Variants in PPIL2 observed in about 807,000 individuals in gnomAD.
The protein encoded by PPIL2 is RING-type E3 ubiquitin-protein ligase PPIL2.
A neutral mutation model predicts 75.2 loss-of-function variants in PPIL2; 50 were observed. The observed-to-expected ratio is 0.66, with a 90% confidence interval of 0.53 to 0.84. The LOEUF is 0.84. Among genes scored for constraint, PPIL2 ranks in the 40% least tolerant of loss-of-function variants. The pLI is 0.00. For missense variants in PPIL2, 590 were observed against 685.0 expected (o/e 0.86, Z 1.55); for synonymous variants, 245 against 258.8 (o/e 0.95, Z 0.51).
At chr22:21,666,709 T>G (rs1470353303) in intron 1 of PPIL2, among the ~76,000 whole-genome samples, 1 of 152,042 alleles carries the variant, frequency 6.6e-6, no homozygotes, top group Non-Finnish European at 1.5e-5. Context: ...TTTGGGAGGC[T>G]GAGGCAGGGG....
In PPIL2 at chr22:21,696,652, G is replaced by GCC. The variant is rs2067944742; in HGVS notation, c.*1163_*1164dup. The GCC allele has an allele frequency of 1.3e-6, 2 of 1,522,222 alleles. No homozygotes were observed. Among genetic ancestry groups the GCC allele is most frequent in the Admixed American group, 2.0e-5 (1 of 50,346 alleles). The allele number at this position is 1,522,222 out of a possible 1,614,324, so 94.3% of individuals were successfully genotyped here. On this transcript the variant is annotated 3_prime_UTR_variant, in exon 20 of 20. Transcript: ENST00000398831. The stretch of plus-strand genomic sequence containing the variant: ...CTCTTGGGCTCCCTGTTGCCCTCAG[G>GCC]CCACCCCCCACTTCTAGTTCTTCAC...
At chr22:21,668,164 C>T (rs1311757185) in intron 1 of PPIL2, among the ~76,000 whole-genome samples, 3 of 106,358 alleles carry the variant, frequency 2.8e-5, no homozygotes, top group African/African-American at 7.7e-5. Context: ...AAATAAAACC[C>T]TAAGTCCCCC....
In PPIL2 at chr22:21,695,010, G is replaced by A. The variant is rs372132268; in HGVS notation, c.1406G>A (p.Gly469Glu). ...GTGAAGAGCAGCCAGCCCCAGGCAG[G>A]GAGCCAGGGCCCCCAGACCTTCCGC... ...TKVKSSQPQA[G>E]SQGPQTFRQG... Residue 469 changes from glycine (G) to glutamate (E), a missense_variant, in exon 19 of 20, where the codon GGG becomes GAG. Transcript: ENST00000398831. 3.1e-6 allele frequency: 5 copies of A among 1,613,372 alleles called. No individual in the cohort carries two copies. In the African/African-American group the frequency reaches 6.7e-5, roughly 22 times the overall value.
intron 19 of PPIL2, 126 bp downstream of exon 19, chr22:21,695,196 T>G: frequency 1.4e-6 from 2 of 1,400,636 alleles, no homozygotes; most frequent in Non-Finnish European, 1.9e-6. Context: ...GCTTGTGCTG[T>G]GTGGCCTCTG....
At chr22:21,676,302 ATTTATT>A (rs1299676114) in intron 6 of PPIL2, among the ~76,000 whole-genome samples, 1 of 46,048 alleles carries the variant, frequency 2.2e-5, no homozygotes, top group South Asian at 6.2e-4. Context: ...ATATTTATTT[ATTTATT>A]TTGTGTGTGT....
In PPIL2 at chr22:21,696,097, A is replaced by T. The variant is rs2067917636; in HGVS notation, c.*607A>T. 1.0e-6 allele frequency: 1 copy of T among 962,930 alleles called. No homozygotes were observed. The highest frequency in any genetic ancestry group is 1.2e-6 in the Non-Finnish European group (1 of 806,344). 59.6% of individuals were successfully genotyped at this position (962,930 alleles called of 1,614,324 possible). ...GCCATTACCTGGGACAAGTTTTCAG[A>T]CCCCAGACTTACTGAGCCTAAGCCT... On this transcript the variant is annotated 3_prime_UTR_variant, in exon 20 of 20. Coordinates refer to ENST00000398831, the MANE Select transcript of PPIL2 (RefSeq NM_014337.4).
Position 21,695,741 on chromosome 22 carries a change from G to T in PPIL2, c.*251G>T. 1 of 1,320,192 alleles carries T rather than the reference G, an allele frequency of 7.6e-7. No individual in the cohort carries two copies. Among genetic ancestry groups the T allele is most frequent in the Non-Finnish European group, 9.7e-7 (1 of 1,027,108 alleles). The allele number at this position is 1,320,192 out of a possible 1,614,324, so 81.8% of individuals were successfully genotyped here. Reference sequence around the variant, plus strand: ...CACTGCTGGGACCTTCAAGCACAAGGCCTGCCCTACACCCAGGCTGGTGCC... The same window carrying T: ...CACTGCTGGGACCTTCAAGCACAAGTCCTGCCCTACACCCAGGCTGGTGCC... On this transcript the variant is annotated 3_prime_UTR_variant, in exon 20 of 20. Coordinates refer to ENST00000398831, the MANE Select transcript of PPIL2 (RefSeq NM_014337.4).
chr22:21,675,257 G>A (rs2066791854), intron 6 of PPIL2, 142 bp downstream of exon 6: 4 of 789,202 alleles, frequency 5.1e-6, no homozygotes, highest in Non-Finnish European at 8.3e-6. Context: ...GTGTCACAGG[G>A]CTGGGCACGG....
At position 21,696,498 on chromosome 22, in the gene PPIL2, T is replaced by TAAAG; in HGVS notation, c.*1014_*1017dup. On this transcript the variant is annotated 3_prime_UTR_variant, in exon 20 of 20. Coordinates refer to ENST00000398831, the MANE Select transcript of PPIL2 (RefSeq NM_014337.4). Reference sequence around the variant, plus strand: ...TTGGGCCAGCTGCATCAGCAGCCCTTAAAGAAAGACCCCTCCCTCAACCCC... The same window carrying TAAAG: ...TTGGGCCAGCTGCATCAGCAGCCCTTAAAGAAAGAAAGACCCCTCCCTCAACCCC... 7.9e-7 allele frequency: 1 copy of TAAAG among 1,260,158 alleles called. No individual in the cohort carries two copies. Among genetic ancestry groups the TAAAG allele is most frequent in the Non-Finnish European group, 1.0e-6 (1 of 990,652 alleles). 78.1% of individuals were successfully genotyped at this position (1,260,158 alleles called of 1,614,324 possible). A position where few individuals can be genotyped will look rare whatever the true frequency, so the allele number is the denominator to read the frequency against.
chr22:21,689,017 G>A (rs1456916764), intron 15 of PPIL2, among the ~76,000 whole-genome samples, 168 bp downstream of exon 15: 3 of 152,242 alleles, frequency 2.0e-5, no homozygotes, highest in Non-Finnish European at 2.9e-5. Flanking sequence ...GGGGTCCCCA[G>A]AGTGAGTCAG....
intron 1 of PPIL2, among the ~76,000 whole-genome samples, chr22:21,666,543 G>C (rs1409812584): frequency 6.6e-6 from 1 of 152,172 alleles, no homozygotes; most frequent in Admixed American, 6.5e-5. Context: ...GGGCGCAGTG[G>C]CTCACCTGTA....
intron 1 of PPIL2, among the ~76,000 whole-genome samples, chr22:21,666,795 C>G (rs1160578372): frequency 6.6e-6 from 1 of 152,104 alleles, no homozygotes; most frequent in Non-Finnish European, 1.5e-5. Flanking sequence ...GGCGACAGAG[C>G]GAGACGCTGT....
At chr22:21,670,898 C>T in intron 3 of PPIL2, 99 bp from the exon 4 acceptor site, 1 of 1,229,628 alleles carries the variant, frequency 8.1e-7, no homozygotes, top group East Asian at 2.3e-5. Flanking sequence ...AGAGGGCTCC[C>T]TGGGACAGCA....
At chr22:21,687,841 A>G (rs2148555550) in intron 13 of PPIL2, 109 bp downstream of exon 13, 1 of 1,188,364 alleles carries the variant, frequency 8.4e-7, no homozygotes, top group Middle Eastern at 2.0e-4. Context: ...CACGGTGGCC[A>G]GGATGAGTCC....
intron 14 of PPIL2, 57 bp from the exon 15 acceptor site, chr22:21,688,675 A>T: frequency 6.5e-7 from 1 of 1,538,218 alleles, no homozygotes; most frequent in Non-Finnish European, 9.0e-7. Flanking sequence ...TGAGGTTTCT[A>T]GTTCTGCCTC....
chr22:21,681,433 C>T (rs780389931), intron 7 of PPIL2, 43 bp downstream of exon 7: 1 of 1,526,638 alleles, frequency 6.6e-7, no homozygotes, highest in South Asian at 1.1e-5. Context: ...GTGGGGAGAT[C>T]TCTGCTGTGT....
chr22:21,698,335 G>A (rs1320104794), downstream of PPIL2: 1 of 149,840 alleles, frequency 6.7e-6, no homozygotes, highest in African/African-American at 2.4e-5. Flanking sequence ...ACAAAAGACA[G>A]TACAAAAACC....
At chr22:21,669,849 T>A in intron 1 of PPIL2, 64 bp from the exon 2 acceptor site, 1 of 1,514,874 alleles carries the variant, frequency 6.6e-7, no homozygotes, top group South Asian at 1.1e-5. Flanking sequence ...GATTACTCAC[T>A]TCCAAAGACT....
chr22:21,680,535 C>G (rs1323160825), intron 6 of PPIL2, among the ~76,000 whole-genome samples: 1 of 132,718 alleles, frequency 7.5e-6, no homozygotes, highest in Non-Finnish European at 1.6e-5. Context: ...CATCTCAAAA[C>G]AGAGTAAAAC....
Sources: allele counts gnomAD v4.1 joint callset (sites outside exome capture counted in the v4.1 genomes callset), GRCh38; gene constraint gnomAD v4.1.1; transcripts MANE v1.5; gene names NCBI Gene and HGNC (gene_info 2026-07-23, HGNC 2026-07-21).